Variants in SPDYE10 observed in about 807,000 individuals in gnomAD.
The protein encoded by SPDYE10 is speedy/RINGO cell cycle regulator family member E10.
chr7:73,135,406 G>GCATTCATTCATTCATT, the SPDYE10 span, among the ~76,000 whole-genome samples: 16 of 146,384 alleles, frequency 1.1e-4, no homozygotes, highest in African/African-American at 1.8e-4. Context: ...CTTTGTCCAC[G>GCATTCATTCATTCATT]CATTCATTCA....
At chr7:73,120,712 C>T in the SPDYE10 span, among the ~76,000 whole-genome samples, 1 of 141,730 alleles carries the variant, frequency 7.1e-6, no homozygotes, top group East Asian at 2.0e-4. Flanking sequence ...GGCGTGAACC[C>T]AGGAGGCGGA....
the SPDYE10 span, among the ~76,000 whole-genome samples, chr7:73,135,132 CA>C: frequency 7.2e-5 from 11 of 152,172 alleles, 1 homozygote; most frequent in African/African-American, 2.7e-4. Flanking sequence ...AGCCCTGGGG[CA>C]GCCCTGGGGA....
chr7:73,137,957 A>G, the SPDYE10 span, among the ~76,000 whole-genome samples: 22 of 141,272 alleles, frequency 1.6e-4, no homozygotes, highest in African/African-American at 5.1e-4. Flanking sequence ...AGGGGAAGGG[A>G]AGGGACCCAG....
the SPDYE10 span, among the ~76,000 whole-genome samples, chr7:73,143,235 A>G: frequency 2.6e-5 from 4 of 152,074 alleles, no homozygotes; most frequent in African/African-American, 4.8e-5. Context: ...TTTTGTTGCT[A>G]TAAAGGAATA....
the SPDYE10 span, among the ~76,000 whole-genome samples, chr7:73,127,955 T>C: frequency 1.5e-5 from 2 of 134,240 alleles, no homozygotes; most frequent in Non-Finnish European, 1.6e-5. Context: ...CATACTATTC[T>C]ACGTAAATAT....
At chr7:73,124,921 CTAAA>C in the SPDYE10 span, among the ~76,000 whole-genome samples, 8 of 141,026 alleles carry the variant, frequency 5.7e-5, no homozygotes, top group South Asian at 2.3e-4. Flanking sequence ...AAGACTCTGT[CTAAA>C]TAAATAAATA....
the SPDYE10 span, among the ~76,000 whole-genome samples, chr7:73,137,593 TGAAAGAAA>T: frequency 0.13 from 9,413 of 70,102 alleles, 87 homozygotes; most frequent in African/African-American, 0.17. Flanking sequence ...AAAGAAGAGA[TGAAAGAAA>T]GAAAGAAAGA....
chr7:73,149,650 G>A, the SPDYE10 span, among the ~76,000 whole-genome samples: 2 of 151,772 alleles, frequency 1.3e-5, no homozygotes, highest in Non-Finnish European at 2.9e-5. Flanking sequence ...TTTCACCTGG[G>A]CTCATGTGTG....
the SPDYE10 span, among the ~76,000 whole-genome samples, chr7:73,123,815 C>G: frequency 6.6e-6 from 1 of 151,520 alleles, no homozygotes; most frequent in African/African-American, 2.4e-5. Flanking sequence ...CTCTCTCTCT[C>G]TCTCTCTCTC....
At chr7:73,138,379 T>C in the SPDYE10 span, among the ~76,000 whole-genome samples, 1 of 9,870 alleles carries the variant, frequency 1.0e-4, no homozygotes. Context: ...TGCTGTTTGC[T>C]TTTTTTTTTT....
the SPDYE10 span, among the ~76,000 whole-genome samples, chr7:73,137,924 GAGGGGAAGGGA>G: frequency 9.0e-6 from 1 of 111,364 alleles, no homozygotes; most frequent in African/African-American, 3.2e-5. Context: ...AGGGGAAGGG[GAGGGGAAGGGA>G]AGGGGAAGGG....
At chr7:73,113,721 G>C in the SPDYE10 span, among the ~76,000 whole-genome samples, 49 of 151,756 alleles carry the variant, frequency 3.2e-4, no homozygotes, top group South Asian at 8.3e-4. Flanking sequence ...TGGTGAAACC[G>C]CATCTCTACT....
the SPDYE10 span, among the ~76,000 whole-genome samples, chr7:73,134,561 G>GAAAGAAAGAAAGAAAGAA: frequency 2.0e-5 from 3 of 152,060 alleles, no homozygotes; most frequent in African/African-American, 7.3e-5. Flanking sequence ...AAGAAAGAAA[G>GAAAGAAAGAAAGAAAGAA]AAAGAAACCG....
chr7:73,135,529 C>T, the SPDYE10 span, among the ~76,000 whole-genome samples: 320 of 120,762 alleles, frequency 2.6e-3, no homozygotes, highest in African/African-American at 9.2e-3. Context: ...TCTTTCTTTT[C>T]TTTTTTTTTT....
At chr7:73,150,940 A>ATG in the SPDYE10 span, among the ~76,000 whole-genome samples, 1 of 21,328 alleles carries the variant, frequency 4.7e-5, no homozygotes, top group Non-Finnish European at 7.8e-5. Flanking sequence ...ATATATATAT[A>ATG]TATATATATT....
the SPDYE10 span, among the ~76,000 whole-genome samples, chr7:73,123,841 A>G: frequency 2.5e-5 from 3 of 120,154 alleles, no homozygotes; most frequent in South Asian, 2.7e-4. Context: ...CTGGAGTGCA[A>G]TGGTGCGATC....
At chr7:73,143,022 G>A in the SPDYE10 span, among the ~76,000 whole-genome samples, 6 of 147,632 alleles carry the variant, frequency 4.1e-5, no homozygotes, top group Admixed American at 1.4e-4. Context: ...AAGGAAGGAA[G>A]GAAGGAAGGA....
At chr7:73,126,669 ATTTTTTTTCT>A in the SPDYE10 span, among the ~76,000 whole-genome samples, 13 of 146,566 alleles carry the variant, frequency 8.9e-5, no homozygotes, top group South Asian at 2.1e-4. Context: ...ATAAAGAGGA[ATTTTTTTTCT>A]TTTTTTTTCT....
chr7:73,154,941 G>C, the SPDYE10 span: 5 of 149,968 alleles, frequency 3.3e-5, no homozygotes, highest in Admixed American at 2.6e-4. Flanking sequence ...TTGTTACAGC[G>C]AACACCAGCT....
Sources: allele counts gnomAD v4.1 joint callset (sites outside exome capture counted in the v4.1 genomes callset), GRCh38; gene constraint gnomAD v4.1.1; transcripts MANE v1.5; gene names NCBI Gene and HGNC (gene_info 2026-07-23, HGNC 2026-07-21).